Variants in KIF26B observed in about 807,000 individuals in gnomAD.
KIF26B encodes kinesin-like protein KIF26B.
Under a neutral mutation model 151.2 loss-of-function variants are expected in KIF26B, and 63 were observed. The observed-to-expected ratio is 0.42, with a 90% confidence interval of 0.34 to 0.51. The LOEUF (loss-of-function observed/expected upper bound fraction) is 0.51. Ranked by LOEUF, KIF26B falls within the 20% of genes least tolerant of loss-of-function variation. The probability of loss-of-function intolerance (pLI) is 0.07; values close to 1 mark genes in which losing one functional copy is unlikely to be tolerated. For missense variants in KIF26B, 2,813 were observed against 2,913.6 expected (o/e 0.97, Z 0.79); for synonymous variants, 1,357 against 1,262.1 (o/e 1.08, Z -1.59).
rs1391505652 is a variant in KIF26B, at chr1:245,685,591, C to T, written c.2608C>T (p.Pro870Ser). The change falls in exon 12 of 15, where the codon CCC becomes TCC. Residue 870 changes from proline (P) to serine (S), a missense_variant. Pro to Ser is a moderately conservative substitution (Grantham distance 74). This residue lies in a region of KIF26B where 2,060 missense variants were observed against 2,088.6 expected (regional missense o/e 0.99). Coordinates refer to ENST00000407071, the MANE Select transcript of KIF26B (RefSeq NM_018012.4). ...CTGCGACACCGTCATCTACATCGGG[C>T]CCAACGGCACGGCCCTCTCTGACAA... is the stretch of plus-strand genomic sequence containing the variant. The part of the protein sequence containing the change: ...QSCDTVIYIG[P>S]NGTALSDKEL... 3 of 1,613,850 alleles carry T rather than the reference C, an allele frequency of 1.9e-6. No homozygotes were observed.
chr1:245,618,239 T>G (rs1035257398), intron 9 of KIF26B, among the ~76,000 whole-genome samples: 8 of 152,222 alleles, frequency 5.3e-5, no homozygotes, highest in African/African-American at 1.4e-4. Flanking sequence ...TTACTCCGCC[T>G]TATATTTTGG....
intron 2 of KIF26B, among the ~76,000 whole-genome samples, chr1:245,292,501 A>C (rs919583057): frequency 3.3e-5 from 5 of 152,100 alleles, no homozygotes; most frequent in Admixed American, 2.0e-4. Context: ...TCGGGATCTC[A>C]GAGCAGGTGC....
At chr1:245,433,477 A>AAAAG (rs1553274011) in intron 4 of KIF26B, among the ~76,000 whole-genome samples, 72 of 147,814 alleles carry the variant, frequency 4.9e-4, no homozygotes, top group East Asian at 9.9e-4. Context: ...AAAAAAAAAA[A>AAAAG]AAGAAGAAGA....
chr1:245,680,016 C>T (rs2044412015), intron 10 of KIF26B, among the ~76,000 whole-genome samples: 1 of 152,140 alleles, frequency 6.6e-6, no homozygotes, highest in Admixed American at 6.5e-5. Flanking sequence ...GGCCAGCGGC[C>T]CTGCACGCTT....
intron 5 of KIF26B, among the ~76,000 whole-genome samples, chr1:245,585,761 TC>T (rs1558225505): frequency 6.6e-6 from 1 of 152,240 alleles, no homozygotes; most frequent in African/African-American, 2.4e-5. Context: ...GCATTACTCA[TC>T]AGCATTTAAT....
At chr1:245,661,187 T>C (rs2044133796) in intron 10 of KIF26B, among the ~76,000 whole-genome samples, 1 of 151,880 alleles carries the variant, frequency 6.6e-6, no homozygotes, top group Non-Finnish European at 1.5e-5. Flanking sequence ...GGGTTTTGCA[T>C]GTTGCCAGGC....
intron 4 of KIF26B, among the ~76,000 whole-genome samples, chr1:245,486,283 G>A (rs1181365278): frequency 6.6e-6 from 1 of 152,128 alleles, no homozygotes; most frequent in African/African-American, 2.4e-5. Context: ...TTTTTACGAG[G>A]GTCGTATTTG....
chr1:245,482,765 A>G (rs1332240782), intron 4 of KIF26B, among the ~76,000 whole-genome samples: 1 of 151,702 alleles, frequency 6.6e-6, no homozygotes, highest in Non-Finnish European at 1.5e-5. Context: ...TGTTCCTACC[A>G]GTGAATGGTT....
At chr1:245,312,136 T>C (rs1671677484) in intron 2 of KIF26B, among the ~76,000 whole-genome samples, 1 of 150,170 alleles carries the variant, frequency 6.7e-6, no homozygotes, top group Non-Finnish European at 1.5e-5. Flanking sequence ...GGCACTAGAA[T>C]TGGAGGATCC....
At chr1:245,576,654 T>C (rs2043121561) in intron 5 of KIF26B, among the ~76,000 whole-genome samples, 1 of 152,176 alleles carries the variant, frequency 6.6e-6, no homozygotes. Flanking sequence ...ATTGATTATA[T>C]AGCTAGCATT....
rs1162793999 is a variant in KIF26B, at chr1:245,685,677, G to C, written c.2694G>C (p.Lys898Asn). 6.2e-7 allele frequency: 1 copy of C among 1,613,030 alleles called. No individual in the cohort carries two copies. Among genetic ancestry groups the C allele is most frequent in the Admixed American group, 1.7e-5 (1 of 59,984 alleles). The change falls in exon 12 of 15, where the codon AAG becomes AAC. Residue 898 changes from lysine (K) to asparagine (N), a missense_variant. Coordinates refer to ENST00000407071, the MANE Select transcript of KIF26B (RefSeq NM_018012.4). ...DFVPIVPALQ[K>N]TRGDSRPAEA... ...TCCCTATCGTGCCAGCCCTGCAGAA[G>C]ACCCGGGGCGACAGCCGGCCCGCAG...
chr1:245,303,467 G>A (rs1671481031), intron 2 of KIF26B, among the ~76,000 whole-genome samples: 1 of 150,864 alleles, frequency 6.6e-6, no homozygotes, highest in Non-Finnish European at 1.5e-5. Context: ...CAAAGTGCTG[G>A]GATTACAGGC....
At chr1:245,388,117 A>G (rs1455866239) in intron 3 of KIF26B, among the ~76,000 whole-genome samples, 2 of 152,180 alleles carry the variant, frequency 1.3e-5, no homozygotes, top group African/African-American at 2.4e-5. Context: ...CTATCGTGAC[A>G]GAGGTGTTTT....
chr1:245,526,522 T>C (rs1261688206), intron 4 of KIF26B, among the ~76,000 whole-genome samples: 1 of 152,186 alleles, frequency 6.6e-6, no homozygotes, highest in Non-Finnish European at 1.5e-5. Flanking sequence ...CTACAGTAAA[T>C]AATTTGTTAA....
rs571852645 is a variant in KIF26B, at chr1:245,279,149, C to T, written c.466-87685C>T. Among the ~76,000 whole-genome samples, 8 of 152,146 alleles carry T rather than the reference C, an allele frequency of 5.3e-5. No individual in the cohort carries two copies. The East Asian group carries it at 9.7e-4, about 19-fold the overall frequency. ...ATGGAACTGTGCTAAGAAATGTGCT[C>T]CCAGGTAGTTTTGGAGCCATATGTG... On this transcript the variant is annotated intron_variant, in intron 2 of 14. Coordinates refer to ENST00000407071, the MANE Select transcript of KIF26B (RefSeq NM_018012.4).
chr1:245,511,896 A>G (rs1369066480), intron 4 of KIF26B, among the ~76,000 whole-genome samples: 1 of 152,238 alleles, frequency 6.6e-6, no homozygotes, highest in Non-Finnish European at 1.5e-5. Context: ...AGGAACGGCT[A>G]TTTAAAAGAT....
At position 245,707,802 on chromosome 1, in the gene KIF26B, C is replaced by T. The variant is rs2044860338; in HGVS notation, c.*5196C>T. ...ATTTGATGAGAATGGGCTTGGAAAT[C>T]CACGCCCACCGGCTTGCACGGAAGA... On this transcript the variant is annotated 3_prime_UTR_variant, in exon 15 of 15. Transcript: ENST00000407071. The T allele has an allele frequency of 6.6e-6, 1 of 152,176 alleles. No homozygotes were observed. Among genetic ancestry groups the T allele is most frequent in the African/African-American group, 2.4e-5 (1 of 41,432 alleles). The allele number at this position is 152,176 out of a possible 1,614,324, so 9.4% of individuals were successfully genotyped here.
In KIF26B at chr1:245,240,748, G is replaced by A. The variant is rs1223238077; in HGVS notation, c.465+84065G>A. The stretch of plus-strand genomic sequence containing the variant: ...GCAACAATACATTTAGGGAAGCTGG[G>A]AGAGGCAGGAGATGCCGCTGTGGGA... On this transcript the variant is annotated intron_variant, in intron 2 of 14. Transcript: ENST00000407071. Among the ~76,000 whole-genome samples, 3 of 152,308 alleles carry A rather than the reference G, an allele frequency of 2.0e-5. No homozygotes were observed. The South Asian group carries it at 6.2e-4, about 32-fold the overall frequency.
chr1:245,702,956 G>A lies in KIF26B; in HGVS notation c.*350G>A. The A allele has an allele frequency of 4.4e-6, 1 of 229,794 alleles. No homozygotes were observed. Among genetic ancestry groups the A allele is most frequent in the Non-Finnish European group, 8.4e-6 (1 of 118,710 alleles). 14.2% of individuals were successfully genotyped at this position (229,794 alleles called of 1,614,324 possible). On this transcript the variant is annotated 3_prime_UTR_variant, in exon 15 of 15. Coordinates refer to ENST00000407071, the MANE Select transcript of KIF26B (RefSeq NM_018012.4). The surrounding 1 kb of genome is among the most constrained non-coding windows in gnomAD (Gnocchi z 4.1). The stretch of plus-strand genomic sequence containing the variant: ...TGCTTTCGTGAGAAAGGAGGGGCGT[G>A]GATGTAGGATTGCTGTGGAAAGCGA...
Sources: gnomAD v4.1 joint callset for allele counts (sites outside exome capture counted in the v4.1 genomes callset) on GRCh38, gnomAD v4.1.1 for gene constraint, gnomAD v4.1.1 regional missense constraint, Gnocchi (gnomAD v3.1) non-coding constraint, MANE v1.5 for transcripts, NCBI Gene and HGNC (gene_info 2026-07-23, HGNC 2026-07-21) for gene names.